The following PLEKHG4B variants were observed in gnomAD, a reference collection of about 807,000 sequenced individuals.
The protein encoded by PLEKHG4B is pleckstrin homology domain-containing family G member 4B.
Under a neutral mutation model 121.3 loss-of-function variants are expected in PLEKHG4B, and 111 were observed. The ratio of observed to expected loss-of-function variants is 0.92; its 90% CI spans 0.78 to 1.07. PLEKHG4B has a LOEUF of 1.07. Ranked by LOEUF, PLEKHG4B falls within the 50% of genes least tolerant of loss-of-function variation. PLEKHG4B has a pLI of 0.00. For synonymous variants in PLEKHG4B, 738 were observed against 725.0 expected, an observed-to-expected ratio of 1.02 and a Z score of -0.29; for missense variants, 1,831 against 1,757.8, an observed-to-expected ratio of 1.04 and a Z score of -0.74.
intron 2 of PLEKHG4B, among the ~76,000 whole-genome samples, chr5:131,253 C>T (rs957226622): frequency 2.0e-5 from 3 of 152,108 alleles, no homozygotes; most frequent in African/African-American, 7.2e-5. Flanking sequence ...AATGCTATCC[C>T]TCCCCTAGAA....
At chr5:170,741 C>T (rs1736515928) in intron 14 of PLEKHG4B, among the ~76,000 whole-genome samples, 1 of 152,158 alleles carries the variant, frequency 6.6e-6, no homozygotes. Flanking sequence ...CCTCCCAGGC[C>T]CACTGCCAGC....
chr5:164,086 G>GTAC (rs1170203122), intron 13 of PLEKHG4B, among the ~76,000 whole-genome samples: 3 of 152,258 alleles, frequency 2.0e-5, no homozygotes, highest in African/African-American at 4.8e-5. Flanking sequence ...CACCCATGTG[G>GTAC]TACTGGTCGT....
In PLEKHG4B at chr5:181,451, G is replaced by A. The variant is rs113697324; in HGVS notation, c.4403-63G>A. Reference sequence around the variant, plus strand: ...GCTGAGGGCATTAGGGGTACCGGGCGTCTTTGGGGTGGCATTAGCCCCCGA... The same window carrying A: ...GCTGAGGGCATTAGGGGTACCGGGCATCTTTGGGGTGGCATTAGCCCCCGA... On this transcript the variant is annotated intron_variant, in intron 18 of 19. Coordinates refer to ENST00000637938, the MANE Select transcript of PLEKHG4B (RefSeq NM_052909.5). The A allele has an allele frequency of 3.9e-3, 6,007 of 1,542,330 alleles. 139 individuals carry two copies. The African/African-American group carries it at 0.058, about 15-fold the overall frequency.
At chr5:176,054 A>G (rs1343556868) in intron 18 of PLEKHG4B, among the ~76,000 whole-genome samples, 1 of 113,046 alleles carries the variant, frequency 8.8e-6, no homozygotes, top group Non-Finnish European at 2.2e-5. Context: ...CCACCTCCCC[A>G]CCGGCCCCTG....
chr5:171,807 A>C (rs1269002699), intron 16 of PLEKHG4B, among the ~76,000 whole-genome samples: 1 of 152,234 alleles, frequency 6.6e-6, no homozygotes, highest in Admixed American at 6.5e-5. Flanking sequence ...GCTGCACCCC[A>C]GCCCTCTGTG....
intron 18 of PLEKHG4B, among the ~76,000 whole-genome samples, chr5:179,356 A>G (rs1312076051): frequency 6.6e-6 from 1 of 152,026 alleles, no homozygotes; most frequent in African/African-American, 2.4e-5. Flanking sequence ...AGAGGAGGGG[A>G]AGGCCATGGA....
In PLEKHG4B at chr5:164,526, C is replaced by A. The variant is rs1411819835; in HGVS notation, c.3476+978C>A. ...AGGGGGCGGAGCTCACACAGTAATG[C>A]TGTGACAGGGGGCGGAGCTCACACA... On this transcript the variant is annotated intron_variant, in intron 13 of 19. Coordinates refer to ENST00000637938, the MANE Select transcript of PLEKHG4B (RefSeq NM_052909.5). Among the ~76,000 whole-genome samples the A allele has an allele frequency of 3.4e-5, 3 of 87,962 alleles. 1 individual carries two copies. The highest frequency in any genetic ancestry group is 1.1e-4 in the African/African-American group (2 of 17,964). The allele number at this position is 87,962 out of a possible 152,430, so 57.7% of individuals were successfully genotyped here.
At position 99,112 on chromosome 5, in the gene PLEKHG4B, C is replaced by T. The variant is rs1368411355; in HGVS notation, c.45+6836C>T. Among the ~76,000 whole-genome samples the T allele has an allele frequency of 4.9e-5, 7 of 142,114 alleles. No individual in the cohort carries two copies. The South Asian group carries it at 6.7e-4, about 14-fold the overall frequency. 93.2% of individuals were successfully genotyped at this position (142,114 alleles called of 152,430 possible). ...CGGAGGTTGCAGTGAGCCGAGATCGCGCCATTGCACTCTAGCCCAGGTGAC... is the reference window on the plus strand; with the variant it reads ...CGGAGGTTGCAGTGAGCCGAGATCGTGCCATTGCACTCTAGCCCAGGTGAC... On this transcript the variant is annotated intron_variant, in intron 1 of 19. Transcript: ENST00000637938.
chr5:157,383 G>A lies in PLEKHG4B; in HGVS notation c.2487+472G>A, dbSNP rs908671750. On this transcript the variant is annotated intron_variant, in intron 11 of 19. Coordinates refer to ENST00000637938, the MANE Select transcript of PLEKHG4B (RefSeq NM_052909.5). This position sits in a 1 kb window ranked among gnomAD's most constrained non-coding sequence, Gnocchi z 4.6. ...CCAGGGAGAGGCTCAAGGTTTTAAA[G>A]AAAAGAGGACAAATCGGGAGGGGGT... Among the ~76,000 whole-genome samples, 2 of 152,144 alleles carry A rather than the reference G, an allele frequency of 1.3e-5. No homozygotes were observed. Among genetic ancestry groups the A allele is most frequent in the African/African-American group, 4.8e-5 (2 of 41,442 alleles).
chr5:153,073 T>C (rs6554798), intron 7 of PLEKHG4B, among the ~76,000 whole-genome samples: 30,298 of 152,184 alleles, frequency 0.2, 4,326 homozygotes, highest in African/African-American at 0.4. Flanking sequence ...CTAATACATT[T>C]ACCCAGTGAA....
intron 2 of PLEKHG4B, among the ~76,000 whole-genome samples, chr5:134,831 G>T (rs557007084): frequency 1.3e-5 from 2 of 151,580 alleles, no homozygotes; most frequent in Non-Finnish European, 2.9e-5. Flanking sequence ...AAAGTTGGAG[G>T]ATACAAAATC....
At chr5:180,535 A>T (rs1736899378) in intron 18 of PLEKHG4B, among the ~76,000 whole-genome samples, 1 of 152,192 alleles carries the variant, frequency 6.6e-6, no homozygotes. Context: ...TGTGAACGCC[A>T]CATCTGCCCA....
Position 162,074 on chromosome 5 carries a change from C to T in PLEKHG4B, c.2649+130C>T, listed in dbSNP as rs1181580698. 8.3e-6 allele frequency: 10 copies of T among 1,202,406 alleles called. No individual in the cohort carries two copies. In the Admixed American group the frequency reaches 1.7e-4, roughly 20 times the overall value. 74.5% of individuals were successfully genotyped at this position (1,202,406 alleles called of 1,614,324 possible). On this transcript the variant is annotated intron_variant, in intron 12 of 19. Coordinates refer to ENST00000637938, the MANE Select transcript of PLEKHG4B (RefSeq NM_052909.5). ...CAGAGGCCGGGCACCTGCGATGGAG[C>T]CCCCCTGGCCACTGCGCCCACGGCT...
chr5:182,207 G>C lies in PLEKHG4B; in HGVS notation c.4768G>C (p.Asp1590His). ...WSPAHSPWSS[D>H]IRACVEEDEP... is the part of the protein sequence containing the mutation. Reference sequence around the variant, plus strand: ...CCCTGCCCACAGCCCCTGGTCATCTGATATCAGAGCCTGCGTCGAGGAAGA... The same window carrying C: ...CCCTGCCCACAGCCCCTGGTCATCTCATATCAGAGCCTGCGTCGAGGAAGA... The change falls in exon 20 of 20, where the codon GAT becomes CAT. Residue 1590 changes from aspartate to histidine, a missense_variant. Transcript: ENST00000637938. 2.5e-6 allele frequency: 4 copies of C among 1,613,918 alleles called. No individual in the cohort carries two copies. The highest frequency in any genetic ancestry group is 1.1e-5 in the South Asian group (1 of 91,082).
intron 1 of PLEKHG4B, among the ~76,000 whole-genome samples, chr5:102,557 G>A (rs902222037): frequency 1.3e-5 from 2 of 152,174 alleles, no homozygotes; most frequent in African/African-American, 4.8e-5. Context: ...CACCTGCCCC[G>A]TCTCTGCCCG....
chr5:162,669 T>A, intron 12 of PLEKHG4B, 53 bp from the exon 13 acceptor site: 1 of 1,276,846 alleles, frequency 7.8e-7, no homozygotes, highest in Non-Finnish European at 1.0e-6. Context: ...CTGAGCTGGC[T>A]CCAGGGCAGC....
At chr5:169,282 C>T (rs1257602243) in intron 13 of PLEKHG4B, 58 bp from the exon 14 acceptor site, 13 of 1,594,858 alleles carry the variant, frequency 8.2e-6, no homozygotes, top group Admixed American at 1.7e-5. Context: ...GCATGAATTG[C>T]TTTTAATAAA....
intron 3 of PLEKHG4B, among the ~76,000 whole-genome samples, chr5:142,590 TCA>T (rs1457119016): frequency 2.0e-5 from 3 of 150,386 alleles, no homozygotes; most frequent in African/African-American, 7.4e-5. Context: ...GTCACATGCC[TCA>T]CACAATCACA....
intron 1 of PLEKHG4B, among the ~76,000 whole-genome samples, chr5:98,290 G>A (rs1733686748): frequency 6.6e-6 from 1 of 151,878 alleles, no homozygotes. Context: ...AGTTGTGTCA[G>A]CATTCATTCG....
Sources: gnomAD v4.1 joint callset for allele counts (sites outside exome capture counted in the v4.1 genomes callset) on GRCh38, gnomAD v4.1.1 for gene constraint, Gnocchi (gnomAD v3.1) non-coding constraint, MANE v1.5 for transcripts, NCBI Gene and HGNC (gene_info 2026-07-23, HGNC 2026-07-21) for gene names.